PDE4B: variants seen among roughly 807,000 people sequenced by gnomAD.
PDE4B encodes the protein phosphodiesterase 4B, also known as 3',5'-cyclic-AMP phosphodiesterase 4B.
Under a neutral mutation model 82.2 loss-of-function variants are expected in PDE4B, and 20 were observed. The ratio of observed to expected loss-of-function variants is 0.24; its 90% CI spans 0.17 to 0.35. PDE4B has a LOEUF of 0.35. Ranked by LOEUF, PDE4B falls within the 10% of genes least tolerant of loss-of-function variation. The pLI is 1.00. For synonymous variants in PDE4B, 320 were observed against 318.9 expected (o/e 1.00, Z -0.04); for missense variants, 655 against 907.2 (o/e 0.72, Z 3.57).
intron 1 of PDE4B, among the ~76,000 whole-genome samples, chr1:65,895,597 G>C (rs1352750420): frequency 1.3e-5 from 2 of 149,520 alleles, no homozygotes; most frequent in African/African-American, 4.9e-5. Flanking sequence ...GGATAAATAT[G>C]GGGTCTACAT....
intron 3 of PDE4B, among the ~76,000 whole-genome samples, chr1:65,986,313 G>A (rs1004069201): frequency 5.3e-5 from 8 of 152,166 alleles, no homozygotes; most frequent in African/African-American, 1.9e-4. Flanking sequence ...TTCTGAGGGA[G>A]ACAGCCAATG....
rs569244887 is a variant in PDE4B, at chr1:66,166,132, T to TG, written c.282-81323dup. On this transcript the variant is annotated intron_variant, in intron 3 of 16. Coordinates refer to ENST00000341517, the MANE Select transcript of PDE4B (RefSeq NM_002600.4). ...TGACCAAGATGCCAAGGCAATTCAA[T>TG]GGGGGAGTGGGGGAATCGCCTTTTC... 2.5e-3 allele frequency among the ~76,000 whole-genome samples: 381 copies of TG among 152,284 alleles called. 2 individuals are homozygous for TG. The highest frequency in any genetic ancestry group is 3.4e-3 in the Non-Finnish European group (233 of 68,012).
At chr1:66,366,644 C>A (rs1270609861) in intron 13 of PDE4B, among the ~76,000 whole-genome samples, 2 of 152,112 alleles carry the variant, frequency 1.3e-5, no homozygotes, top group Non-Finnish European at 2.9e-5. Flanking sequence ...TTACTTCATT[C>A]TTCTGTTGAA....
At chr1:66,078,080 C>T (rs898413375) in intron 3 of PDE4B, among the ~76,000 whole-genome samples, 8 of 151,960 alleles carry the variant, frequency 5.3e-5, no homozygotes, top group South Asian at 2.1e-4. Context: ...AACCATTTTA[C>T]GAAAGAGAAA....
At chr1:66,337,730 C>T (rs1205427917) in intron 8 of PDE4B, among the ~76,000 whole-genome samples, 1 of 152,142 alleles carries the variant, frequency 6.6e-6, no homozygotes, top group African/African-American at 2.4e-5. Flanking sequence ...TGTGGCCCCA[C>T]ACATGTTAGA....
chr1:65,839,553 A>G (rs1279972575), intron 1 of PDE4B, among the ~76,000 whole-genome samples: 1 of 152,074 alleles, frequency 6.6e-6, no homozygotes, highest in Non-Finnish European at 1.5e-5. Context: ...GTTTGCTGAG[A>G]ATGATGGTTT....
intron 7 of PDE4B, among the ~76,000 whole-genome samples, chr1:66,307,269 A>G (rs1336030500): frequency 6.6e-6 from 1 of 152,180 alleles, no homozygotes; most frequent in East Asian, 1.9e-4. Flanking sequence ...TTGTTGTTGG[A>G]TAGGAGAAAA....
chr1:65,809,871 G>T (rs1645800019), intron 1 of PDE4B, among the ~76,000 whole-genome samples: 1 of 152,192 alleles, frequency 6.6e-6, no homozygotes, highest in Non-Finnish European at 1.5e-5. Flanking sequence ...GAGATAGAAT[G>T]ACAAATATCT....
chr1:65,932,634 A>G (rs1232168663), intron 3 of PDE4B, among the ~76,000 whole-genome samples: 2 of 152,208 alleles, frequency 1.3e-5, no homozygotes, highest in Admixed American at 6.5e-5. Context: ...GCCTAATGAA[A>G]GAGAAATATT....
Position 66,297,840 on chromosome 1 carries a change from C to A in PDE4B, c.634+31753C>A, listed in dbSNP as rs544460968. Among the ~76,000 whole-genome samples the A allele has an allele frequency of 2.6e-5, 4 of 152,204 alleles. No homozygotes were observed. In the South Asian group the frequency reaches 8.3e-4, roughly 32 times the overall value. On this transcript the variant is annotated intron_variant, in intron 7 of 16. Transcript: ENST00000341517. Reference sequence around the variant, plus strand: ...GAGTAATCATTAGAATGGTGTAATTCATCATGGTGTAGGTAGTAAAGTTAA... The same window carrying A: ...GAGTAATCATTAGAATGGTGTAATTAATCATGGTGTAGGTAGTAAAGTTAA...
At chr1:66,138,876 T>C (rs747131944) in intron 3 of PDE4B, among the ~76,000 whole-genome samples, 2 of 152,168 alleles carry the variant, frequency 1.3e-5, no homozygotes, top group Non-Finnish European at 2.9e-5. Flanking sequence ...TGGGATAGGT[T>C]CTACTAACAC....
intron 3 of PDE4B, among the ~76,000 whole-genome samples, chr1:65,967,441 G>A (rs1649894595): frequency 6.6e-6 from 1 of 152,206 alleles, no homozygotes; most frequent in African/African-American, 2.4e-5. Context: ...GTTGGTGAGA[G>A]TGTAAATTAG....
chr1:66,323,210 A>C (rs1465508764), intron 7 of PDE4B, among the ~76,000 whole-genome samples: 1 of 152,074 alleles, frequency 6.6e-6, no homozygotes, highest in Admixed American at 6.6e-5. Context: ...TTCTCCTATC[A>C]GTCTTTCCCT....
At chr1:65,966,390 A>G (rs149668206) in intron 3 of PDE4B, among the ~76,000 whole-genome samples, 5 of 152,334 alleles carry the variant, frequency 3.3e-5, no homozygotes, top group African/African-American at 9.6e-5. Flanking sequence ...TGCTCAAGGA[A>G]ATAAGAGGGG....
chr1:66,274,549 A>T (rs1220256564), intron 7 of PDE4B, among the ~76,000 whole-genome samples: 4 of 152,186 alleles, frequency 2.6e-5, no homozygotes, highest in African/African-American at 7.2e-5. Flanking sequence ...ATAGTGATTA[A>T]GAGTGAAGAC....
chr1:66,355,882 C>A (rs1662199322), intron 9 of PDE4B, among the ~76,000 whole-genome samples: 3 of 152,202 alleles, frequency 2.0e-5, no homozygotes, highest in Admixed American at 1.3e-4. Flanking sequence ...CTCAGCCCCA[C>A]CTTGTCTGCC....
chr1:66,235,704 T>A (rs533020682), intron 3 of PDE4B, among the ~76,000 whole-genome samples: 1 of 152,358 alleles, frequency 6.6e-6, no homozygotes, highest in African/African-American at 2.4e-5. Flanking sequence ...GAAGGTAATA[T>A]TGCCATGGTC....
intron 9 of PDE4B, among the ~76,000 whole-genome samples, chr1:66,358,278 G>A (rs192564566): frequency 2.6e-5 from 4 of 152,272 alleles, no homozygotes; most frequent in South Asian, 2.1e-4. Context: ...TGTTAGGAAC[G>A]CAGAACATAT....
intron 1 of PDE4B, among the ~76,000 whole-genome samples, chr1:65,810,333 G>A (rs942673771): frequency 1.3e-5 from 2 of 152,182 alleles, no homozygotes; most frequent in Non-Finnish European, 1.5e-5. Flanking sequence ...AGCATCTTAG[G>A]AAATGCTTTA....
Sources: gnomAD v4.1 joint callset for allele counts (sites outside exome capture counted in the v4.1 genomes callset) on GRCh38, gnomAD v4.1.1 for gene constraint, MANE v1.5 for transcripts, NCBI Gene and HGNC (gene_info 2026-07-23, HGNC 2026-07-21) for gene names.